Variants in KCNH5 observed in about 807,000 individuals in gnomAD.
KCNH5 encodes the protein potassium voltage-gated channel subfamily H member 5, also known as voltage-gated delayed rectifier potassium channel KCNH5.
In KCNH5, 46 loss-of-function variants were observed where a neutral mutation model predicts 96.1. That is an observed-to-expected ratio of 0.48 (90% CI 0.38 to 0.61). KCNH5 has a LOEUF of 0.61. Ranked by LOEUF, KCNH5 falls within the 20% of genes least tolerant of loss-of-function variation. The probability of loss-of-function intolerance (pLI) is 0.00; values close to 1 mark genes in which losing one functional copy is unlikely to be tolerated. For synonymous variants in KCNH5, 439 were observed against 449.8 expected, an observed-to-expected ratio of 0.98 and a Z score of 0.30; for missense variants, 907 against 1,225.8, an observed-to-expected ratio of 0.74 and a Z score of 3.88.
At chr14:62,853,480 T>TA (rs1887863259) in intron 7 of KCNH5, among the ~76,000 whole-genome samples, 2 of 48,778 alleles carry the variant, frequency 4.1e-5, no homozygotes, top group South Asian at 1.1e-3. Context: ...TATATATATA[T>TA]CATATATATA....
rs544672588 is a variant in KCNH5 at position 62,805,060 on chromosome 14, T to C, written c.1570-2479A>G. On this transcript the variant is annotated intron_variant, in intron 8 of 10. Transcript: ENST00000322893. ...TTTTTTTCCCAGTTGAAAATGAAAT[T>C]AGCTCTAGAAGAACGAAAAAATTTA... Among the ~76,000 whole-genome samples, 5 of 152,304 alleles carry C rather than the reference T, an allele frequency of 3.3e-5. No individual in the cohort carries two copies. The South Asian group carries it at 8.3e-4, about 25-fold the overall frequency.
intron 6 of KCNH5, among the ~76,000 whole-genome samples, chr14:62,957,978 A>G (rs1249609841): frequency 6.6e-6 from 1 of 152,202 alleles, no homozygotes; most frequent in Non-Finnish European, 1.5e-5. Flanking sequence ...ATGCAGGAAA[A>G]AAGATAACTG....
At chr14:62,931,415 G>T in intron 7 of KCNH5, among the ~76,000 whole-genome samples, 1 of 152,092 alleles carries the variant, frequency 6.6e-6, no homozygotes, top group East Asian at 1.9e-4. Context: ...GAGATAGAGG[G>T]TTGACGACAT....
chr14:62,956,356 G>A lies in KCNH5; in HGVS notation c.943-5797C>T, dbSNP rs148219247. ...TAGTGTCTCCCTTTGTTGGGAGAGG[G>A]GCAGTGATTACAAAAGGCATGAGGA... On this transcript the variant is annotated intron_variant, in intron 6 of 10. Transcript: ENST00000322893. Among the ~76,000 whole-genome samples, 1,255 of 152,168 alleles carry A rather than the reference G, an allele frequency of 8.2e-3. 9 individuals carry two copies. The highest frequency in any genetic ancestry group is 0.013 in the Non-Finnish European group (886 of 68,008).
In KCNH5 at chr14:62,710,195, AAG is replaced by A. The variant is rs562737167; in HGVS notation, c.2020-1742_2020-1741del. ...AAAGATAGGAATTCCCCTTCCAGGT[AAG>A]AGTACATTTTCTAAAATGAGATTGA... On this transcript the variant is annotated intron_variant, in intron 10 of 10. Coordinates refer to ENST00000322893, the MANE Select transcript of KCNH5 (RefSeq NM_139318.5). Among the ~76,000 whole-genome samples, 254 of 152,344 alleles carry A rather than the reference AAG, an allele frequency of 1.7e-3. 2 individuals carry two copies. The highest frequency in any genetic ancestry group is 0.014 in the Admixed American group (217 of 15,302).
At chr14:62,726,671 A>G (rs1884932605) in intron 10 of KCNH5, among the ~76,000 whole-genome samples, 1 of 152,176 alleles carries the variant, frequency 6.6e-6, no homozygotes, top group Non-Finnish European at 1.5e-5. Flanking sequence ...AAATTCATAG[A>G]ACCATTTGGA....
chr14:62,819,655 G>A (rs1246521176), intron 8 of KCNH5, among the ~76,000 whole-genome samples: 3 of 152,112 alleles, frequency 2.0e-5, no homozygotes, highest in Non-Finnish European at 4.4e-5. Flanking sequence ...GGCTACTTCA[G>A]GGAAAAGAGA....
chr14:62,753,635 T>C (rs1222507034), intron 10 of KCNH5, among the ~76,000 whole-genome samples: 1 of 152,084 alleles, frequency 6.6e-6, no homozygotes, highest in Non-Finnish European at 1.5e-5. Context: ...CTCCAATACA[T>C]ATGGCAGCAG....
At chr14:62,864,122 A>G (rs1261060655) in intron 7 of KCNH5, among the ~76,000 whole-genome samples, 1 of 152,232 alleles carries the variant, frequency 6.6e-6, no homozygotes, top group Non-Finnish European at 1.5e-5. Context: ...ACAAAATGTT[A>G]ACGTTGTTAC....
At chr14:62,818,679 G>A (rs1412810350) in intron 8 of KCNH5, among the ~76,000 whole-genome samples, 1 of 152,104 alleles carries the variant, frequency 6.6e-6, no homozygotes, top group Non-Finnish European at 1.5e-5. Context: ...ATACACTAAA[G>A]AAGTGTGTAG....
intron 4 of KCNH5, among the ~76,000 whole-genome samples, chr14:63,000,090 C>T (rs953225302): frequency 3.9e-5 from 6 of 152,182 alleles, no homozygotes; most frequent in South Asian, 4.1e-4. Context: ...ATTATCCTCT[C>T]GCTATTTGAT....
intron 10 of KCNH5, among the ~76,000 whole-genome samples, chr14:62,729,446 C>G (rs747268719): frequency 6.6e-6 from 1 of 152,118 alleles, no homozygotes; most frequent in Admixed American, 6.5e-5. Context: ...CTCAACATCT[C>G]CACTTAAATA....
At chr14:62,831,395 G>C (rs1224179533) in intron 8 of KCNH5, among the ~76,000 whole-genome samples, 3 of 152,152 alleles carry the variant, frequency 2.0e-5, no homozygotes, top group African/African-American at 7.2e-5. Context: ...AGATTTCTGA[G>C]CACATTTAGG....
rs149550669 is a variant in KCNH5 at position 62,870,295 on chromosome 14, G to C, written c.1370-20443C>G. Among the ~76,000 whole-genome samples the C allele has an allele frequency of 2.4e-3, 359 of 152,154 alleles. 2 individuals carry two copies. Among genetic ancestry groups the C allele is most frequent in the African/African-American group, 7.8e-3 (325 of 41,540 alleles). Reference sequence around the variant, plus strand: ...AAAGTGATGGTAATTTTTTTTGACTGCTTGGAGCAATCACATGTAAAGAAT... The same window carrying C: ...AAAGTGATGGTAATTTTTTTTGACTCCTTGGAGCAATCACATGTAAAGAAT... On this transcript the variant is annotated intron_variant, in intron 7 of 10. Coordinates refer to ENST00000322893, the MANE Select transcript of KCNH5 (RefSeq NM_139318.5).
At chr14:62,980,758 A>G (rs1873237195) in intron 6 of KCNH5, 114 bp downstream of exon 6, 1 of 1,114,348 alleles carries the variant, frequency 9.0e-7, no homozygotes, top group Non-Finnish European at 1.3e-6. Context: ...GGGTTTCAAG[A>G]AAGTTGAAAG....
chr14:63,020,469 C>T (rs1369590382), intron 1 of KCNH5, among the ~76,000 whole-genome samples: 1 of 152,052 alleles, frequency 6.6e-6, no homozygotes, highest in Non-Finnish European at 1.5e-5. Flanking sequence ...TACTACTCAG[C>T]TCTAAAATGG....
In KCNH5 at chr14:62,739,970, G is replaced by C. The variant is rs191899180; in HGVS notation, c.2020-31515C>G. On this transcript the variant is annotated intron_variant, in intron 10 of 10. Transcript: ENST00000322893. Reference sequence around the variant, plus strand: ...GTAAGATGATGATTTTGGAGGGTAGGGAAATGTTTTAACATCTGAAGCAGC... The same window carrying C: ...GTAAGATGATGATTTTGGAGGGTAGCGAAATGTTTTAACATCTGAAGCAGC... Among the ~76,000 whole-genome samples the C allele has an allele frequency of 2.0e-5, 3 of 152,198 alleles. No homozygotes were observed. The East Asian group carries it at 5.8e-4, about 29-fold the overall frequency.
At chr14:62,723,270 C>A (rs1404949131) in intron 10 of KCNH5, among the ~76,000 whole-genome samples, 1 of 152,086 alleles carries the variant, frequency 6.6e-6, no homozygotes, top group Non-Finnish European at 1.5e-5. Context: ...CTTAATATCA[C>A]ACACATGCAT....
At chr14:62,858,715 GCCACTT>G (rs1275093569) in intron 7 of KCNH5, among the ~76,000 whole-genome samples, 1 of 152,140 alleles carries the variant, frequency 6.6e-6, no homozygotes, top group Non-Finnish European at 1.5e-5. Flanking sequence ...GGTGAATGGT[GCCACTT>G]CCACTTCCAC....
Sources: allele counts gnomAD v4.1 joint callset (sites outside exome capture counted in the v4.1 genomes callset), GRCh38; gene constraint gnomAD v4.1.1; transcripts MANE v1.5; gene names NCBI Gene and HGNC (gene_info 2026-07-23, HGNC 2026-07-21).